ZNF620: variants seen among roughly 807,000 people sequenced by gnomAD.
ZNF620 encodes zinc finger protein 620.
ZNF620 carries 10 observed loss-of-function variants against 13.3 expected under a neutral mutation model. The observed-to-expected ratio is 0.75, with a 90% CI of 0.46 to 1.28. The LOEUF is 1.28. Ranked by LOEUF, ZNF620 falls within the 50% of genes most tolerant of loss-of-function variation. The pLI is 0.00. For synonymous variants in ZNF620, 166 were observed against 177.6 expected (o/e 0.93, Z 0.52); for missense variants, 461 against 500.2 (o/e 0.92, Z 0.75).
At chr3:40,511,296 A>G (rs576553818) in intron 2 of ZNF620, among the ~76,000 whole-genome samples, 174 bp from the exon 3 acceptor site, 8 of 152,222 alleles carry the variant, frequency 5.3e-5, no homozygotes, top group South Asian at 2.1e-4. Context: ...AAGGGGTGCA[A>G]TGACCCTTGG....
chr3:40,508,790 C>T, intron 2 of ZNF620: 1 of 456,504 alleles, frequency 2.2e-6, no homozygotes, highest in Admixed American at 2.3e-5. Flanking sequence ...GACCACTGTG[C>T]TTGGCTCTCT....
chr3:40,513,722 A>G (rs1698282587), intron 4 of ZNF620, among the ~76,000 whole-genome samples: 1 of 151,966 alleles, frequency 6.6e-6, no homozygotes, highest in African/African-American at 2.4e-5. Flanking sequence ...GAAATAGATT[A>G]TAGATATGAT....
In ZNF620 at chr3:40,515,909, G is replaced by A. The variant is rs765287351; in HGVS notation, c.315G>A (p.Val105=). Residue 105 remains valine, a synonymous_variant, in exon 5 of 5, where the codon GTG becomes GTA. Transcript: ENST00000314529. ...AAGGATTAACTCCAAAGGATCATGTGTCCAAAGAAACAGAGTCCTTCAGAC... is the reference window on the plus strand; with the variant it reads ...AAGGATTAACTCCAAAGGATCATGTATCCAAAGAAACAGAGTCCTTCAGAC... ...EKEGLTPKDH[V]SKETESFRLM... 6.2e-7 allele frequency: 1 copy of A among 1,613,840 alleles called. No homozygotes were observed. Among genetic ancestry groups the A allele is most frequent in the Non-Finnish European group, 8.5e-7 (1 of 1,179,962 alleles).
In ZNF620 at chr3:40,516,499, A is replaced by G. The variant is rs765981841; in HGVS notation, c.905A>G (p.His302Arg). The change falls in exon 5 of 5, where the codon CAC becomes CGC. Residue 302 changes from histidine (H) to arginine (R), a missense_variant. Physicochemically the swap from His to Arg is conservative, Grantham distance 29. Coordinates refer to ENST00000314529, the MANE Select transcript of ZNF620 (RefSeq NM_175888.4). ...GTCTTCCTCCAGCACCAGAGGTTCC[A>G]CACTGGGGAGAAGCTCTATGAATGT... Reference protein sequence around the residue: ...SSVFLQHQRFHTGEKLYECNE... With the variant: ...SSVFLQHQRFRTGEKLYECNE... 2 of 1,614,170 alleles carry G rather than the reference A, an allele frequency of 1.2e-6. No homozygotes were observed. The highest frequency in any genetic ancestry group is 1.7e-5 in the Admixed American group (1 of 60,024).
At chr3:40,507,916 A>G (rs1208460817) in intron 2 of ZNF620, among the ~76,000 whole-genome samples, 3 of 152,174 alleles carry the variant, frequency 2.0e-5, no homozygotes, top group African/African-American at 7.2e-5. Flanking sequence ...GGCATGCATC[A>G]CTACGCCCAG....
In ZNF620 at chr3:40,516,644, C is replaced by G; in HGVS notation, c.1050C>G (p.Ala350=). 1 of 1,613,808 alleles carries G rather than the reference C, an allele frequency of 6.2e-7. No individual in the cohort carries two copies. The highest frequency in any genetic ancestry group is 8.5e-7 in the Non-Finnish European group (1 of 1,179,754). The change falls in exon 5 of 5, where the codon GCC becomes GCG. Residue 350 remains alanine (A), a synonymous_variant. Coordinates refer to ENST00000314529, the MANE Select transcript of ZNF620 (RefSeq NM_175888.4). The part of the protein sequence containing the change: ...ECGKRLSSNT[A]LTQHQRIHTG... ...GAAAACGATTAAGCTCCAACACAGC[C>G]TTGACTCAGCATCAGCGAATTCACA...
rs1047643238 is a variant in ZNF620 at position 40,517,805 on chromosome 3, A to G, written c.*942A>G. The G allele has an allele frequency of 6.6e-6, 1 of 152,168 alleles. No homozygotes were observed. The highest frequency in any genetic ancestry group is 2.4e-5 in the African/African-American group (1 of 41,442). The allele number at this position is 152,168 out of a possible 1,614,324, so 9.4% of individuals were successfully genotyped here. ...AAAAAGACAGATATATGGATTCCCT[A>G]TTGCAGTCCGTACGTCAGAAGTCTC... On this transcript the variant is annotated 3_prime_UTR_variant, in exon 5 of 5. Transcript: ENST00000314529.
intron 4 of ZNF620, among the ~76,000 whole-genome samples, chr3:40,515,288 G>A (rs1342721592): frequency 6.6e-6 from 1 of 152,156 alleles, no homozygotes; most frequent in East Asian, 1.9e-4. Flanking sequence ...GCCATGCATG[G>A]CATCCTCAAC....
chr3:40,518,273 G>A lies in ZNF620; in HGVS notation c.*1410G>A, dbSNP rs530098596. 6 of 152,200 alleles carry A rather than the reference G, an allele frequency of 3.9e-5. No individual in the cohort carries two copies. Among genetic ancestry groups the A allele is most frequent in the Non-Finnish European group, 7.3e-5 (5 of 68,032 alleles). The allele number at this position is 152,200 out of a possible 1,614,324, so 9.4% of individuals were successfully genotyped here. ...AATAATACAGAGCCAGGCAGACTTT[G>A]GTTTGAGTCCAGGTGTTTGTCCTTG... is the stretch of plus-strand genomic sequence containing the variant. On this transcript the variant is annotated 3_prime_UTR_variant, in exon 5 of 5. Transcript: ENST00000314529.
chr3:40,517,006 C>T lies in ZNF620; in HGVS notation c.*143C>T. On this transcript the variant is annotated 3_prime_UTR_variant, in exon 5 of 5. Transcript: ENST00000314529. ...TTTAAGTTTTTTGAACCTGTTTCCC[C>T]AACATGAAGTCTCTTTATGGTTAGA... 1 of 836,992 alleles carries T rather than the reference C, an allele frequency of 1.2e-6. No homozygotes were observed. Among genetic ancestry groups the T allele is most frequent in the East Asian group, 2.7e-5 (1 of 37,150 alleles). 51.8% of individuals were successfully genotyped at this position (836,992 alleles called of 1,614,324 possible).
In ZNF620 at chr3:40,506,280, G is replaced by C; in HGVS notation, c.-49-24G>C. 4 of 1,597,004 alleles carry C rather than the reference G, an allele frequency of 2.5e-6. No homozygotes were observed. In the South Asian group the frequency reaches 4.5e-5, roughly 18 times the overall value. ...GGTGCGAGGCAGCATCAATCTCACC[G>C]GTGCTTCTTTATTTTCTCTTCAGTT... On this transcript the variant is annotated intron_variant, in intron 1 of 4. Transcript: ENST00000314529.
At position 40,511,901 on chromosome 3, in the gene ZNF620, C is replaced by T. The variant is rs140109134; in HGVS notation, c.151+305C>T. On this transcript the variant is annotated intron_variant, in intron 3 of 4. Transcript: ENST00000314529. ...TTCTCCATGTTGGCCAGGCTGGTCT[C>T]GAACTCCTGGCCTCAAGCGATCCTC... is the stretch of plus-strand genomic sequence containing the variant. 5.5e-3 allele frequency among the ~76,000 whole-genome samples: 838 copies of T among 152,116 alleles called. 11 individuals are homozygous for T. The highest frequency in any genetic ancestry group is 0.019 in the African/African-American group (807 of 41,506).
intron 1 of ZNF620, 24 bp from the exon 2 acceptor site, chr3:40,506,280 G>A (rs1698013662): frequency 1.9e-6 from 3 of 1,596,886 alleles, no homozygotes; most frequent in Admixed American, 1.7e-5. Flanking sequence ...CAATCTCACC[G>A]GTGCTTCTTT....
intron 2 of ZNF620, chr3:40,508,867 C>G (rs1159711162): frequency 2.2e-6 from 1 of 447,928 alleles, no homozygotes; most frequent in Admixed American, 2.4e-5. Flanking sequence ...ATCCTCCCGC[C>G]TCCACCTCCC....
chr3:40,512,856 A>G (rs1042545447), intron 4 of ZNF620, among the ~76,000 whole-genome samples: 1 of 152,188 alleles, frequency 6.6e-6, no homozygotes, highest in African/African-American at 2.4e-5. Context: ...TGTTTTTGCA[A>G]AGATGAGGAT....
At position 40,511,512 on chromosome 3, in the gene ZNF620, A is replaced by G. The variant is rs766909340; in HGVS notation, c.67A>G (p.Asn23Asp). ...GGATGTGGCTGTGTACTTCACCCAG[A>G]ATGAATGGGCCAGCCTGGACTCTGT... ...FEDVAVYFTQ[N>D]EWASLDSVQR... Residue 23 changes from asparagine (N) to aspartate (D), a missense_variant, in exon 3 of 5, where the codon AAT becomes GAT. Asn to Asp is a conservative substitution (Grantham distance 23). Coordinates refer to ENST00000314529, the MANE Select transcript of ZNF620 (RefSeq NM_175888.4). 6.2e-7 allele frequency: 1 copy of G among 1,613,670 alleles called. No homozygotes were observed. The highest frequency in any genetic ancestry group is 8.5e-7 in the Non-Finnish European group (1 of 1,179,814).
intron 4 of ZNF620, among the ~76,000 whole-genome samples, chr3:40,514,885 T>G (rs923745069): frequency 6.6e-6 from 1 of 152,232 alleles, no homozygotes; most frequent in Non-Finnish European, 1.5e-5. Context: ...TGCCCATTAC[T>G]GATCCACCCC....
In ZNF620 at chr3:40,516,647, G is replaced by C; in HGVS notation, c.1053G>C (p.Leu351Phe). 6.2e-7 allele frequency: 1 copy of C among 1,613,798 alleles called. No homozygotes were observed. The highest frequency in any genetic ancestry group is 8.5e-7 in the Non-Finnish European group (1 of 1,179,764). Residue 351 changes from leucine to phenylalanine, a missense_variant, in exon 5 of 5, where the codon TTG becomes TTC. Coordinates refer to ENST00000314529, the MANE Select transcript of ZNF620 (RefSeq NM_175888.4). The part of the protein sequence containing the change: ...CGKRLSSNTA[L>F]TQHQRIHTGE... ...AACGATTAAGCTCCAACACAGCCTT[G>C]ACTCAGCATCAGCGAATTCACACTG... is the stretch of plus-strand genomic sequence containing the variant.
intron 4 of ZNF620, 122 bp downstream of exon 4, chr3:40,512,637 A>C (rs1698236322): frequency 2.8e-6 from 2 of 710,820 alleles, no homozygotes; most frequent in Non-Finnish European, 4.6e-6. Context: ...GAATCATTAC[A>C]TGTGATTCTC....
Sources: allele counts gnomAD v4.1 joint callset (sites outside exome capture counted in the v4.1 genomes callset), GRCh38; gene constraint gnomAD v4.1.1; transcripts MANE v1.5; gene names NCBI Gene and HGNC (gene_info 2026-07-23, HGNC 2026-07-21).